FBXL7: variants seen among roughly 807,000 people sequenced by gnomAD.
FBXL7 encodes the protein F-box/LRR-repeat protein 7.
A neutral mutation model predicts 38.3 loss-of-function variants in FBXL7; 12 were observed. That is an observed-to-expected ratio of 0.31 (90% CI 0.20 to 0.51). The LOEUF is 0.51. FBXL7 is among the 20% of genes least tolerant of loss of function. The pLI is 0.98. For missense variants in FBXL7, 567 were observed against 676.4 expected, an observed-to-expected ratio of 0.84 and a Z score of 1.79; for synonymous variants, 297 against 300.9, an observed-to-expected ratio of 0.99 and a Z score of 0.13.
At chr5:15,651,364 G>A (rs1222291321) in intron 2 of FBXL7, among the ~76,000 whole-genome samples, 1 of 151,964 alleles carries the variant, frequency 6.6e-6, no homozygotes, top group African/African-American at 2.4e-5. Context: ...CAAAGTGCTG[G>A]GATTACAAGC....
At chr5:15,685,381 G>T (rs1167895807) in intron 2 of FBXL7, among the ~76,000 whole-genome samples, 1 of 152,206 alleles carries the variant, frequency 6.6e-6, no homozygotes, top group African/African-American at 2.4e-5. Flanking sequence ...CAGTGGAATG[G>T]AAGTGATCTC....
intron 1 of FBXL7, among the ~76,000 whole-genome samples, chr5:15,541,633 C>T (rs1291180910): frequency 4.0e-5 from 6 of 148,750 alleles, no homozygotes; most frequent in Non-Finnish European, 8.9e-5. Context: ...CAACCTCTGC[C>T]TTCCAGGTTC....
chr5:15,896,971 T>A (rs1407964615), intron 2 of FBXL7, among the ~76,000 whole-genome samples: 1 of 152,032 alleles, frequency 6.6e-6, no homozygotes, highest in Non-Finnish European at 1.5e-5. Flanking sequence ...CCATCTCTAC[T>A]AAAAATATAA....
intron 2 of FBXL7, among the ~76,000 whole-genome samples, chr5:15,638,816 A>G (rs182242058): frequency 1.2e-3 from 190 of 152,282 alleles, no homozygotes; most frequent in Non-Finnish European, 2.2e-3. Context: ...CCAGGCTACC[A>G]AGAGTAAATG....
intron 1 of FBXL7, among the ~76,000 whole-genome samples, chr5:15,526,815 C>A (rs1030734906): frequency 3.3e-5 from 5 of 152,196 alleles, no homozygotes; most frequent in Non-Finnish European, 5.9e-5. Flanking sequence ...TTAGACTGTT[C>A]TGAGCACAAC....
intron 2 of FBXL7, among the ~76,000 whole-genome samples, chr5:15,666,127 G>A (rs1417709985): frequency 6.6e-6 from 1 of 152,000 alleles, no homozygotes; most frequent in South Asian, 2.1e-4. Context: ...CCTAAAGTTG[G>A]TATCGATTCA....
intron 2 of FBXL7, among the ~76,000 whole-genome samples, chr5:15,624,387 C>G (rs116422673): frequency 1.7e-3 from 253 of 152,252 alleles, no homozygotes; most frequent in African/African-American, 6.0e-3. Flanking sequence ...AACTGTTTTC[C>G]CATTTGTCCT....
chr5:15,889,704 C>T (rs1378123772), intron 2 of FBXL7, among the ~76,000 whole-genome samples: 1 of 152,150 alleles, frequency 6.6e-6, no homozygotes, highest in Non-Finnish European at 1.5e-5. Flanking sequence ...TCTGAAACTC[C>T]CTCAGGTGAT....
chr5:15,545,642 A>G (rs1269428329), intron 1 of FBXL7, among the ~76,000 whole-genome samples: 2 of 152,150 alleles, frequency 1.3e-5, no homozygotes, highest in African/African-American at 2.4e-5. Context: ...TATTTATTGA[A>G]TGGATATATC....
intron 2 of FBXL7, among the ~76,000 whole-genome samples, chr5:15,893,224 C>A (rs1057391017): frequency 5.3e-5 from 8 of 152,108 alleles, no homozygotes; most frequent in African/African-American, 1.9e-4. Context: ...CAATCAGTCT[C>A]TCCCACTAAC....
chr5:15,801,180 A>G (rs541152928), intron 2 of FBXL7, among the ~76,000 whole-genome samples: 1 of 152,206 alleles, frequency 6.6e-6, no homozygotes, highest in African/African-American at 2.4e-5. Flanking sequence ...CACATCTACA[A>G]AATACATTTG....
At chr5:15,649,965 T>C (rs973589834) in intron 2 of FBXL7, among the ~76,000 whole-genome samples, 1 of 152,212 alleles carries the variant, frequency 6.6e-6, no homozygotes, top group Admixed American at 6.5e-5. Flanking sequence ...GTGCTCGTAT[T>C]GATAGATAAG....
intron 2 of FBXL7, among the ~76,000 whole-genome samples, chr5:15,701,487 G>T (rs1743521564): frequency 1.3e-5 from 2 of 152,074 alleles, no homozygotes; most frequent in African/African-American, 2.4e-5. Flanking sequence ...TCATTGTCAT[G>T]CTTCAGTTCT....
chr5:15,536,233 G>A (rs540447997), intron 1 of FBXL7, among the ~76,000 whole-genome samples: 155 of 152,372 alleles, frequency 1.0e-3, no homozygotes, highest in African/African-American at 2.6e-3. Flanking sequence ...GGGGCAATGC[G>A]GAAGGGAAAT....
At chr5:15,816,866 G>A (rs1311387306) in intron 2 of FBXL7, among the ~76,000 whole-genome samples, 1 of 152,140 alleles carries the variant, frequency 6.6e-6, no homozygotes, top group Non-Finnish European at 1.5e-5. Flanking sequence ...TAAGAATTTT[G>A]TCAGAAAATA....
chr5:15,669,541 C>G (rs1229310157), intron 2 of FBXL7, among the ~76,000 whole-genome samples: 2 of 152,138 alleles, frequency 1.3e-5, no homozygotes, highest in Non-Finnish European at 2.9e-5. Flanking sequence ...CCAAAACTCT[C>G]TTAGAACTAC....
chr5:15,781,713 A>G (rs1363221478), intron 2 of FBXL7, among the ~76,000 whole-genome samples: 1 of 152,174 alleles, frequency 6.6e-6, no homozygotes, highest in East Asian at 1.9e-4. Context: ...ATGAGAAACC[A>G]GGAAGTGGAA....
chr5:15,644,738 C>T (rs1741478002), intron 2 of FBXL7, among the ~76,000 whole-genome samples: 1 of 152,072 alleles, frequency 6.6e-6, no homozygotes, highest in Non-Finnish European at 1.5e-5. Context: ...TTGAGGCGCT[C>T]CTCACTGTAT....
intron 1 of FBXL7, among the ~76,000 whole-genome samples, chr5:15,609,871 G>C (rs763437483): frequency 6.6e-6 from 1 of 152,322 alleles, no homozygotes; most frequent in African/African-American, 2.4e-5. Context: ...GTTGCTCTCT[G>C]TATTAGTCTG....
Sources: gnomAD v4.1 joint callset for allele counts (sites outside exome capture counted in the v4.1 genomes callset) on GRCh38, gnomAD v4.1.1 for gene constraint, MANE v1.5 for transcripts, NCBI Gene and HGNC (gene_info 2026-07-23, HGNC 2026-07-21) for gene names.